The following GRM5 variants were observed in gnomAD, a reference collection of about 807,000 sequenced individuals.
GRM5 encodes the protein metabotropic glutamate receptor 5.
Under a neutral mutation model 83.1 loss-of-function variants are expected in GRM5, and 19 were observed. That is an observed-to-expected ratio of 0.23 (90% CI 0.16 to 0.34). The LOEUF (loss-of-function observed/expected upper bound fraction) is 0.34. GRM5 is among the 10% of genes least tolerant of loss of function. The probability of loss-of-function intolerance (pLI) is 1.00; values close to 1 mark genes in which losing one functional copy is unlikely to be tolerated. For synonymous variants in GRM5, 675 were observed against 633.6 expected (o/e 1.07, Z -0.98); for missense variants, 1,160 against 1,588.3 (o/e 0.73, Z 4.58).
chr11:88,734,544 A>G (rs1332627879), intron 3 of GRM5, among the ~76,000 whole-genome samples: 1 of 152,116 alleles, frequency 6.6e-6, no homozygotes, highest in Admixed American at 6.6e-5. Flanking sequence ...TTTCCAATAA[A>G]TGAATGACTG....
chr11:88,654,932 T>A (rs1478322569), intron 3 of GRM5, among the ~76,000 whole-genome samples: 1 of 152,078 alleles, frequency 6.6e-6, no homozygotes, highest in East Asian at 1.9e-4. Context: ...TATTGATAAT[T>A]GGGAGTTATT....
At chr11:89,059,823 C>A (rs1941950600) in intron 1 of GRM5, among the ~76,000 whole-genome samples, 1 of 151,928 alleles carries the variant, frequency 6.6e-6, no homozygotes, top group Non-Finnish European at 1.5e-5. Context: ...GCAGAATGTG[C>A]AGGTTTGTTA....
chr11:88,597,982 T>G (rs1341742465), intron 5 of GRM5, among the ~76,000 whole-genome samples: 2 of 152,104 alleles, frequency 1.3e-5, no homozygotes, highest in Non-Finnish European at 2.9e-5. Context: ...TTTTTGAGTA[T>G]GTGGATAGAA....
intron 2 of GRM5, among the ~76,000 whole-genome samples, chr11:88,876,229 T>C (rs1944850594): frequency 6.6e-6 from 1 of 152,142 alleles, no homozygotes; most frequent in Non-Finnish European, 1.5e-5. Context: ...CTTGCACTTT[T>C]AGGTTATAGA....
chr11:88,955,135 T>TAC (rs1285505105), intron 2 of GRM5, among the ~76,000 whole-genome samples: 1 of 152,218 alleles, frequency 6.6e-6, no homozygotes, highest in African/African-American at 2.4e-5. Flanking sequence ...GTTGTTTGTA[T>TAC]ACACACACAA....
chr11:88,928,488 A>T (rs199727836), intron 2 of GRM5, among the ~76,000 whole-genome samples: 1 of 27,194 alleles, frequency 3.7e-5, no homozygotes, highest in African/African-American at 4.9e-5. Context: ...ATATATGTAT[A>T]TATGTATATA....
intron 9 of GRM5, 90 bp from the exon 10 acceptor site, chr11:88,509,594 C>T (rs562037868): frequency 7.0e-6 from 6 of 852,796 alleles, no homozygotes; most frequent in South Asian, 3.1e-5. Context: ...TCATGGGCCC[C>T]GGACTGGGGA....
chr11:88,649,532 T>C (rs543228181), intron 4 of GRM5, among the ~76,000 whole-genome samples: 337 of 146,990 alleles, frequency 2.3e-3, no homozygotes, highest in Non-Finnish European at 3.4e-3. Context: ...TCTTGAAATT[T>C]TATTTGCTAA....
intron 7 of GRM5, among the ~76,000 whole-genome samples, chr11:88,581,155 T>C (rs1451971511): frequency 6.6e-6 from 1 of 151,988 alleles, no homozygotes; most frequent in Non-Finnish European, 1.5e-5. Context: ...TAAACACAGG[T>C]TAAAACTTTC....
At chr11:88,511,175 T>C (rs1182121095) in intron 9 of GRM5, among the ~76,000 whole-genome samples, 1 of 152,196 alleles carries the variant, frequency 6.6e-6, no homozygotes, top group Non-Finnish European at 1.5e-5. Context: ...TCTCAGATTC[T>C]TTCACAATCT....
At chr11:88,877,621 G>C (rs1207823522) in intron 2 of GRM5, among the ~76,000 whole-genome samples, 2 of 151,934 alleles carry the variant, frequency 1.3e-5, no homozygotes, top group Non-Finnish European at 2.9e-5. Flanking sequence ...AGGAATTTGA[G>C]ACCAGCCTGG....
At chr11:88,750,220 T>C (rs761659660) in intron 3 of GRM5, among the ~76,000 whole-genome samples, 3 of 151,388 alleles carry the variant, frequency 2.0e-5, no homozygotes, top group Non-Finnish European at 2.9e-5. Flanking sequence ...ACACACAGGA[T>C]CAAAACAAAA....
intron 3 of GRM5, among the ~76,000 whole-genome samples, chr11:88,699,487 C>A (rs10765704): frequency 0.77 from 116,734 of 152,082 alleles, 45,001 homozygotes; most frequent in East Asian, 0.96. Context: ...TGATTGCTGA[C>A]AACTCACAGC....
At chr11:88,671,164 A>G (rs1219212736) in intron 3 of GRM5, among the ~76,000 whole-genome samples, 1 of 151,590 alleles carries the variant, frequency 6.6e-6, no homozygotes, top group Non-Finnish European at 1.5e-5. Context: ...AAACATTCCA[A>G]AATCCTCCCC....
intron 2 of GRM5, among the ~76,000 whole-genome samples, chr11:89,015,623 C>T (rs1226683921): frequency 6.6e-6 from 1 of 152,100 alleles, no homozygotes; most frequent in Non-Finnish European, 1.5e-5. Context: ...CAGAGTGAAA[C>T]ACTTTATTCT....
intron 2 of GRM5, among the ~76,000 whole-genome samples, chr11:88,914,689 C>A (rs2135617153): frequency 6.6e-6 from 1 of 152,236 alleles, no homozygotes; most frequent in East Asian, 1.9e-4. Flanking sequence ...TGTACTTTAC[C>A]AGCTTACTAC....
chr11:88,942,965 T>C (rs866476958), intron 2 of GRM5, among the ~76,000 whole-genome samples: 1 of 152,050 alleles, frequency 6.6e-6, no homozygotes, highest in Non-Finnish European at 1.5e-5. Context: ...GCAACTTCAA[T>C]TGTTCCCCCA....
intron 3 of GRM5, among the ~76,000 whole-genome samples, chr11:88,680,676 C>T (rs1327018749): frequency 6.6e-6 from 1 of 152,154 alleles, no homozygotes; most frequent in Non-Finnish European, 1.5e-5. Context: ...AAGACACAGG[C>T]ACACGTATGT....
chr11:88,892,047 T>A (rs1254521565), intron 2 of GRM5, among the ~76,000 whole-genome samples: 2 of 152,088 alleles, frequency 1.3e-5, no homozygotes, highest in African/African-American at 4.8e-5. Context: ...TGAACAAAAT[T>A]CGGAGCAGGT....
Sources: gnomAD v4.1 joint callset for allele counts (sites outside exome capture counted in the v4.1 genomes callset) on GRCh38, gnomAD v4.1.1 for gene constraint, MANE v1.5 for transcripts, NCBI Gene and HGNC (gene_info 2026-07-23, HGNC 2026-07-21) for gene names.